Variants in OR6N1 observed in about 807,000 individuals in gnomAD.
The protein encoded by OR6N1 is olfactory receptor 6N1.
For missense variants in OR6N1, 394 were observed against 371.7 expected, an observed-to-expected ratio of 1.06 and a Z score of -0.49; for synonymous variants, 170 against 150.7, an observed-to-expected ratio of 1.13 and a Z score of -0.94.
upstream of OR6N1, chr1:158,775,675 G>A (rs1272573108): frequency 1.3e-5 from 2 of 152,084 alleles, no homozygotes; most frequent in East Asian, 1.9e-4. Context: ...AGAGATGTTG[G>A]TAATTTACAC....
chr1:158,766,021 A>G lies in OR6N1; in HGVS notation c.662T>C (p.Ile221Thr). ...GGGAATTCTGAGCACTGTGCAGATGATCTGCACATAGGAGCAGAGGATCAG... is the reference window on the plus strand; with the variant it reads ...GGGAATTCTGAGCACTGTGCAGATGGTCTGCACATAGGAGCAGAGGATCAG... ...FLLILCSYVQIICTVLRIPSA... is the reference protein window; with the variant it reads ...FLLILCSYVQTICTVLRIPSA... Residue 221 changes from isoleucine (I) to threonine (T), a missense_variant, in exon 2 of 2, where the codon ATC becomes ACC. Ile to Thr is a moderately conservative substitution (Grantham distance 89). Transcript: ENST00000641846. 1 of 1,614,180 alleles carries G rather than the reference A, an allele frequency of 6.2e-7. No individual in the cohort carries two copies. The highest frequency in any genetic ancestry group is 8.5e-7 in the Non-Finnish European group (1 of 1,180,034).
upstream of OR6N1, chr1:158,776,626 A>C (rs867694712): frequency 2.0e-6 from 2 of 983,134 alleles, no homozygotes; most frequent in Middle Eastern, 4.4e-4. Context: ...TGGGAAGATT[A>C]CTCAAGGAAC....
upstream of OR6N1, chr1:158,776,460 T>G: frequency 2.6e-6 from 1 of 386,794 alleles, no homozygotes; most frequent in Non-Finnish European, 4.6e-6. Flanking sequence ...TGCTTTTTTT[T>G]AAAAAAAGAA....
the OR6N1 span, among the ~76,000 whole-genome samples, chr1:158,806,570 G>T: frequency 1.3e-5 from 2 of 152,136 alleles, no homozygotes; most frequent in Non-Finnish European, 2.9e-5. Flanking sequence ...TTGAACACAG[G>T]CAGAGAGCCT....
chr1:158,779,209 A>G, the OR6N1 span, among the ~76,000 whole-genome samples: 2 of 152,158 alleles, frequency 1.3e-5, no homozygotes, highest in Non-Finnish European at 2.9e-5. Flanking sequence ...AGATGCAAAA[A>G]GAAAACAATA....
chr1:158,804,398 T>G, the OR6N1 span, among the ~76,000 whole-genome samples: 1 of 152,240 alleles, frequency 6.6e-6, no homozygotes, highest in Non-Finnish European at 1.5e-5. Flanking sequence ...CATTTTGTTG[T>G]ATTTTGTTAT....
At position 158,766,147 on chromosome 1, in the gene OR6N1, C is replaced by T. The variant is rs759863710; in HGVS notation, c.536G>A (p.Cys179Tyr). 6.2e-7 allele frequency: 1 copy of T among 1,614,120 alleles called. No homozygotes were observed. The highest frequency in any genetic ancestry group is 2.2e-5 in the East Asian group (1 of 44,862). ...CAAACTCAGCACAGGAGGGAAGTCA[C>T]AAAAGACGTGCTGAATGCGATTGGG... ...CGPNRIQHVF[C>Y]DFPPVLSLAC... Residue 179 changes from cysteine (C) to tyrosine (Y), a missense_variant, in exon 2 of 2, where the codon TGT becomes TAT. By Grantham distance (194) the Cys-to-Tyr change is radical. Coordinates refer to ENST00000641846, the MANE Select transcript of OR6N1 (RefSeq NM_001005185.2).
the OR6N1 span, among the ~76,000 whole-genome samples, chr1:158,827,305 T>C: frequency 6.6e-6 from 1 of 152,192 alleles, no homozygotes; most frequent in African/African-American, 2.4e-5. Context: ...AGAAAATTTT[T>C]TTTAGATATT....
chr1:158,784,174 A>G, the OR6N1 span, among the ~76,000 whole-genome samples: 8 of 152,126 alleles, frequency 5.3e-5, no homozygotes, highest in African/African-American at 1.7e-4. Context: ...TGTACACAAC[A>G]TTTACAACCA....
the OR6N1 span, among the ~76,000 whole-genome samples, chr1:158,792,624 C>T: frequency 1.3e-5 from 2 of 152,170 alleles, no homozygotes; most frequent in South Asian, 4.1e-4. Flanking sequence ...TTTATTTCTC[C>T]TTCATTTATG....
At chr1:158,789,865 G>GT in the OR6N1 span, among the ~76,000 whole-genome samples, 4 of 152,038 alleles carry the variant, frequency 2.6e-5, no homozygotes, top group Non-Finnish European at 4.4e-5. Context: ...GGCTATTTTT[G>GT]TTTTTGTTGC....
chr1:158,804,137 C>T, the OR6N1 span, among the ~76,000 whole-genome samples: 4 of 152,154 alleles, frequency 2.6e-5, no homozygotes, highest in Admixed American at 1.3e-4. Flanking sequence ...TGCAACAAAG[C>T]GTTATCTGAT....
chr1:158,771,096 T>C (rs942933514), intron 1 of OR6N1, among the ~76,000 whole-genome samples: 1 of 152,212 alleles, frequency 6.6e-6, no homozygotes, highest in Non-Finnish European at 1.5e-5. Flanking sequence ...ACTAAAAATA[T>C]GCTTTATCTT....
the OR6N1 span, among the ~76,000 whole-genome samples, chr1:158,816,157 C>CAA: frequency 2.2e-5 from 2 of 89,560 alleles, no homozygotes; most frequent in Non-Finnish European, 2.4e-5. Context: ...GACACCATCT[C>CAA]AAAAAAAAAA....
At chr1:158,829,995 A>G in the OR6N1 span, among the ~76,000 whole-genome samples, 1 of 152,220 alleles carries the variant, frequency 6.6e-6, no homozygotes, top group African/African-American at 2.4e-5. Context: ...ACAGCATGGG[A>G]AAGATCTGCC....
chr1:158,781,772 A>G, the OR6N1 span, among the ~76,000 whole-genome samples: 1 of 152,232 alleles, frequency 6.6e-6, no homozygotes, highest in Non-Finnish European at 1.5e-5. Flanking sequence ...GAGCTTCAGA[A>G]ACCTTAATTT....
the OR6N1 span, among the ~76,000 whole-genome samples, chr1:158,815,409 A>T: frequency 1.3e-5 from 2 of 152,124 alleles, no homozygotes; most frequent in African/African-American, 4.8e-5. Context: ...ACCACCTCTT[A>T]ATAAAAACAG....
At chr1:158,806,339 T>C in the OR6N1 span, among the ~76,000 whole-genome samples, 1 of 152,220 alleles carries the variant, frequency 6.6e-6, no homozygotes, top group Non-Finnish European at 1.5e-5. Flanking sequence ...TTACCAAGTC[T>C]ATTGTAATAA....
the OR6N1 span, among the ~76,000 whole-genome samples, chr1:158,818,035 A>G: frequency 6.6e-6 from 1 of 152,184 alleles, no homozygotes. Flanking sequence ...TTCTGAATCT[A>G]TTATCTTTAA....
Sources: gnomAD v4.1 joint callset for allele counts (sites outside exome capture counted in the v4.1 genomes callset) on GRCh38, gnomAD v4.1.1 for gene constraint, MANE v1.5 for transcripts, NCBI Gene and HGNC (gene_info 2026-07-23, HGNC 2026-07-21) for gene names.